DPP10: variants seen among roughly 807,000 people sequenced by gnomAD.
DPP10 encodes the protein inactive dipeptidyl peptidase 10.
Under a neutral mutation model 120.9 loss-of-function variants are expected in DPP10, and 33 were observed. That is an observed-to-expected ratio of 0.27 (90% CI 0.21 to 0.37). DPP10 has a LOEUF of 0.37. Among genes scored for constraint, DPP10 ranks in the 10% least tolerant of loss-of-function variants. The pLI, the probability that DPP10 is intolerant of heterozygous loss-of-function variation, is 1.00. For missense variants in DPP10, 816 were observed against 942.8 expected, an observed-to-expected ratio of 0.87 and a Z score of 1.76; for synonymous variants, 337 against 326.1, an observed-to-expected ratio of 1.03 and a Z score of -0.36.
intron 1 of DPP10, among the ~76,000 whole-genome samples, chr2:115,144,558 C>T (rs2051115483): frequency 6.6e-6 from 1 of 150,826 alleles, no homozygotes; most frequent in African/African-American, 2.4e-5. Context: ...GTTTTCACTG[C>T]TCTGCAAGGT....
intron 1 of DPP10, among the ~76,000 whole-genome samples, chr2:114,546,110 G>GT (rs1687376019): frequency 6.6e-6 from 1 of 151,854 alleles, no homozygotes; most frequent in African/African-American, 2.4e-5. Flanking sequence ...ATTCCCCCCT[G>GT]TATCAGTCCA....
chr2:115,658,257 A>T lies in DPP10; in HGVS notation c.442-31430A>T, dbSNP rs188891888. ...CATAATTGATTACTAATTGATATGC[A>T]TCTAATAGAGACTTCTTTCTACCCC... On this transcript the variant is annotated intron_variant, in intron 5 of 25. Coordinates refer to ENST00000410059, the MANE Select transcript of DPP10 (RefSeq NM_020868.6). 1.4e-3 allele frequency among the ~76,000 whole-genome samples: 218 copies of T among 152,190 alleles called. 1 individual carries two copies. The highest frequency in any genetic ancestry group is 9.7e-3 in the South Asian group (47 of 4,826).
intron 5 of DPP10, among the ~76,000 whole-genome samples, chr2:115,527,050 CTAACA>C (rs1486287350): frequency 6.6e-6 from 1 of 152,018 alleles, no homozygotes; most frequent in Non-Finnish European, 1.5e-5. Context: ...TAAAAAGTTT[CTAACA>C]TAACATTATC....
At chr2:115,622,840 T>TTG (rs1553464042) in intron 5 of DPP10, among the ~76,000 whole-genome samples, 11 of 143,920 alleles carry the variant, frequency 7.6e-5, no homozygotes, top group East Asian at 4.2e-4. Flanking sequence ...TTTTTTTTTT[T>TTG]TTTTTTGTTT....
chr2:115,779,280 T>G (rs556410719), intron 15 of DPP10, among the ~76,000 whole-genome samples: 1 of 152,216 alleles, frequency 6.6e-6, no homozygotes, highest in Non-Finnish European at 1.5e-5. Flanking sequence ...GTCGACAGTG[T>G]TACAAAGAAA....
chr2:115,570,231 T>C (rs1005234822), intron 5 of DPP10, among the ~76,000 whole-genome samples: 5 of 152,178 alleles, frequency 3.3e-5, no homozygotes, highest in Non-Finnish European at 7.4e-5. Context: ...AACTGAGCAA[T>C]GCTTGAAGTT....
intron 1 of DPP10, among the ~76,000 whole-genome samples, chr2:114,672,687 C>G (rs776411036): frequency 1.1e-4 from 16 of 152,092 alleles, no homozygotes; most frequent in Non-Finnish European, 1.8e-4. Flanking sequence ...TTTTTTTCCT[C>G]TAACATAAAA....
chr2:114,453,913 C>G (rs1678422550), intron 1 of DPP10, among the ~76,000 whole-genome samples: 1 of 151,980 alleles, frequency 6.6e-6, no homozygotes, highest in Non-Finnish European at 1.5e-5. Context: ...ATGAGGAGAC[C>G]AAATGGGATA....
Position 115,277,100 on chromosome 2 carries a change from C to T in DPP10, c.61-32139C>T, listed in dbSNP as rs79469298. Among the ~76,000 whole-genome samples, 560 of 152,176 alleles carry T rather than the reference C, an allele frequency of 3.7e-3. 4 individuals carry two copies. The highest frequency in any genetic ancestry group is 0.012 in the African/African-American group (495 of 41,516). ...TGCATAGCTTTTATAATACTTATAA[C>T]TTAGATATTAAGAAAAATCAAGATG... is the stretch of plus-strand genomic sequence containing the variant. On this transcript the variant is annotated intron_variant, in intron 1 of 25. Transcript: ENST00000410059.
At chr2:115,470,552 G>T (rs543052086) in intron 3 of DPP10, among the ~76,000 whole-genome samples, 1 of 152,086 alleles carries the variant, frequency 6.6e-6, no homozygotes, top group East Asian at 1.9e-4. Flanking sequence ...TTCAGACTAG[G>T]AGAAAAAAAA....
intron 1 of DPP10, among the ~76,000 whole-genome samples, chr2:114,481,678 G>A (rs915450384): frequency 6.6e-6 from 1 of 152,126 alleles, no homozygotes; most frequent in African/African-American, 2.4e-5. Context: ...ATTATTCTGA[G>A]TGAAATAAGC....
chr2:115,441,874 G>A (rs185638198), intron 3 of DPP10, among the ~76,000 whole-genome samples: 1 of 141,314 alleles, frequency 7.1e-6, no homozygotes, highest in East Asian at 2.1e-4. Context: ...GGAGTGCAGT[G>A]GCACGATCTC....
At chr2:115,456,883 GGGTGCA>G (rs2073592609) in intron 3 of DPP10, among the ~76,000 whole-genome samples, 1 of 152,012 alleles carries the variant, frequency 6.6e-6, no homozygotes. Flanking sequence ...ATGGGTTGAT[GGGTGCA>G]GCAAACCACC....
chr2:115,650,025 AAGAG>A (rs367708507), intron 5 of DPP10, among the ~76,000 whole-genome samples: 1 of 152,064 alleles, frequency 6.6e-6, no homozygotes, highest in Non-Finnish European at 1.5e-5. Context: ...GGCAAAAAAA[AAGAG>A]AGAGACTGAA....
At chr2:115,290,838 G>T (rs1340828164) in intron 1 of DPP10, among the ~76,000 whole-genome samples, 2 of 152,002 alleles carry the variant, frequency 1.3e-5, no homozygotes. Flanking sequence ...CTTCTATTTG[G>T]CCAACAAAGA....
chr2:114,637,674 TG>T (rs1452355043), intron 1 of DPP10, among the ~76,000 whole-genome samples: 1 of 151,858 alleles, frequency 6.6e-6, no homozygotes, highest in Non-Finnish European at 1.5e-5. Context: ...TGCTGACAGG[TG>T]GGGGTCTAGT....
At chr2:115,292,643 G>T (rs2060707069) in intron 1 of DPP10, among the ~76,000 whole-genome samples, 1 of 152,064 alleles carries the variant, frequency 6.6e-6, no homozygotes, top group Non-Finnish European at 1.5e-5. Context: ...TGTGGTATGT[G>T]TTTAAATCTG....
At chr2:115,791,836 T>G (rs1254929991) in intron 19 of DPP10, among the ~76,000 whole-genome samples, 1 of 152,164 alleles carries the variant, frequency 6.6e-6, no homozygotes, top group Non-Finnish European at 1.5e-5. Flanking sequence ...TTAAATATCT[T>G]TATACATTTT....
intron 3 of DPP10, among the ~76,000 whole-genome samples, chr2:115,488,738 G>T (rs2075906076): frequency 8.1e-6 from 1 of 123,648 alleles, no homozygotes; most frequent in Non-Finnish European, 1.7e-5. Flanking sequence ...GGTGGGGTCG[G>T]GGGAGGGGGG....
Sources: allele counts gnomAD v4.1 joint callset (sites outside exome capture counted in the v4.1 genomes callset), GRCh38; gene constraint gnomAD v4.1.1; transcripts MANE v1.5; gene names NCBI Gene and HGNC (gene_info 2026-07-23, HGNC 2026-07-21).